The following SDK1 variants were observed in gnomAD, a reference collection of about 807,000 sequenced individuals.
SDK1 encodes protein sidekick-1.
In SDK1, 157 loss-of-function variants were observed where a neutral mutation model predicts 245.5. The ratio of observed to expected loss-of-function variants is 0.64; its 90% CI spans 0.56 to 0.73. SDK1 has a LOEUF of 0.73. Among genes scored for constraint, SDK1 ranks in the 30% least tolerant of loss-of-function variants. SDK1 has a pLI of 0.00. For synonymous variants in SDK1, 1,647 were observed against 1,278.5 expected (o/e 1.29, Z -6.15); for missense variants, 3,583 against 3,002.3 (o/e 1.19, Z -4.52).
At chr7:3,392,426 A>G (rs1781781793) in intron 1 of SDK1, among the ~76,000 whole-genome samples, 1 of 151,996 alleles carries the variant, frequency 6.6e-6, no homozygotes, top group African/African-American at 2.4e-5. Flanking sequence ...TTTCTTTTAT[A>G]TATACTTTTA....
chr7:3,987,393 C>T (rs771360148), intron 14 of SDK1, 71 bp downstream of exon 14: 29 of 1,521,946 alleles, frequency 1.9e-5, no homozygotes, highest in Non-Finnish European at 2.6e-5. Context: ...ATGTCCTTAA[C>T]CTTTACTTCT....
At chr7:3,901,174 C>G (rs368031343) in intron 5 of SDK1, among the ~76,000 whole-genome samples, 8 of 151,970 alleles carry the variant, frequency 5.3e-5, no homozygotes, top group African/African-American at 1.9e-4. Flanking sequence ...TTCAAGTTAA[C>G]TGTCTTTTTT....
At position 3,951,421 on chromosome 7, in the gene SDK1, C is replaced by T. The variant is rs575169097; in HGVS notation, c.960-309C>T. Among the ~76,000 whole-genome samples, 12 of 152,292 alleles carry T rather than the reference C, an allele frequency of 7.9e-5. 1 individual carries two copies. The highest frequency in any genetic ancestry group is 1.9e-4 in the East Asian group (1 of 5,170). Reference sequence around the variant, plus strand: ...GCTCGGATGATCCCGCCTTCCATGTCGTTGTGTCCCCTCACAGTATTTATT... The same window carrying T: ...GCTCGGATGATCCCGCCTTCCATGTTGTTGTGTCCCCTCACAGTATTTATT... On this transcript the variant is annotated intron_variant, in intron 6 of 44. Transcript: ENST00000404826.
At chr7:4,165,600 C>T (rs1018615946) in intron 32 of SDK1, among the ~76,000 whole-genome samples, 1 of 152,090 alleles carries the variant, frequency 6.6e-6, no homozygotes, top group Non-Finnish European at 1.5e-5. Flanking sequence ...GGTGATTCTT[C>T]TGCCTCAGCC....
chr7:4,255,300 A>G (rs1462054558), intron 44 of SDK1, among the ~76,000 whole-genome samples: 1 of 152,200 alleles, frequency 6.6e-6, no homozygotes, highest in Non-Finnish European at 1.5e-5. Context: ...TTCCTCAGTC[A>G]GAGCTGGAAG....
chr7:3,350,333 C>T (rs542120186), intron 1 of SDK1, among the ~76,000 whole-genome samples: 11 of 152,284 alleles, frequency 7.2e-5, no homozygotes, highest in Admixed American at 2.0e-4. Flanking sequence ...GGCATATTCC[C>T]ACAGTGGAAA....
intron 2 of SDK1, among the ~76,000 whole-genome samples, chr7:3,620,737 C>T (rs1781911681): frequency 6.6e-6 from 1 of 152,098 alleles, no homozygotes; most frequent in Admixed American, 6.5e-5. Flanking sequence ...GCAGAGCTGC[C>T]CCCATCAAAG....
At chr7:4,251,197 G>C (rs944356648) in intron 44 of SDK1, among the ~76,000 whole-genome samples, 1 of 152,194 alleles carries the variant, frequency 6.6e-6, no homozygotes, top group Non-Finnish European at 1.5e-5. Flanking sequence ...ATCAGTTGAT[G>C]AACATTTGAG....
intron 32 of SDK1, among the ~76,000 whole-genome samples, chr7:4,167,693 A>G (rs1312249335): frequency 1.3e-5 from 2 of 152,252 alleles, no homozygotes; most frequent in Admixed American, 6.5e-5. Context: ...TTAAACATGA[A>G]CAAGACCCGA....
intron 1 of SDK1, among the ~76,000 whole-genome samples, chr7:3,492,006 C>T (rs1196366392): frequency 1.3e-5 from 2 of 152,196 alleles, no homozygotes; most frequent in African/African-American, 4.8e-5. Flanking sequence ...ATTACGTTTT[C>T]TTCCAATTTA....
intron 5 of SDK1, among the ~76,000 whole-genome samples, chr7:3,883,868 A>C (rs1400584999): frequency 3.3e-5 from 5 of 152,028 alleles, no homozygotes; most frequent in Admixed American, 6.6e-5. Flanking sequence ...TTTCTCCTTC[A>C]CTCAAACGTC....
intron 38 of SDK1, among the ~76,000 whole-genome samples, chr7:4,214,030 G>A (rs1246318604): frequency 6.6e-6 from 1 of 152,158 alleles, no homozygotes; most frequent in Non-Finnish European, 1.5e-5. Context: ...TCCTCAGAAC[G>A]GCTCTACCTT....
chr7:3,391,991 A>T (rs1242962735), intron 1 of SDK1, among the ~76,000 whole-genome samples: 1 of 150,282 alleles, frequency 6.7e-6, no homozygotes, highest in Non-Finnish European at 1.5e-5. Context: ...ATATATATGC[A>T]TGCTACCTAA....
chr7:4,166,626 G>T (rs1781516894), intron 32 of SDK1, among the ~76,000 whole-genome samples: 1 of 152,192 alleles, frequency 6.6e-6, no homozygotes, highest in African/African-American at 2.4e-5. Context: ...GAGAATCCCT[G>T]TTCTACTCTC....
In SDK1 at chr7:3,582,142, CA is replaced by C. The variant is rs1227056138; in HGVS notation, c.299-36937del. Reference sequence around the variant, plus strand: ...AGGCCTGTCTCAGGTAGGTCTCCCTCAGGTAGGCCTGTCTCAGGTAGGTCTC... The same window carrying C: ...AGGCCTGTCTCAGGTAGGTCTCCCTCGGTAGGCCTGTCTCAGGTAGGTCTC... On this transcript the variant is annotated intron_variant, in intron 1 of 44. Transcript: ENST00000404826. Among the ~76,000 whole-genome samples the C allele has an allele frequency of 1.3e-5, 2 of 150,248 alleles. 1 individual carries two copies. The highest frequency in any genetic ancestry group is 1.3e-4 in the Admixed American group (2 of 15,144).
intron 1 of SDK1, among the ~76,000 whole-genome samples, chr7:3,332,808 T>C (rs1182667759): frequency 1.3e-5 from 2 of 152,206 alleles, no homozygotes; most frequent in African/African-American, 4.8e-5. Context: ...AAAATATTTT[T>C]GGTAAATCTG....
intron 1 of SDK1, among the ~76,000 whole-genome samples, chr7:3,550,554 C>G (rs1302405111): frequency 1.3e-5 from 2 of 152,174 alleles, no homozygotes; most frequent in Non-Finnish European, 2.9e-5. Context: ...TGGAATACTT[C>G]TTTGCCTATT....
intron 1 of SDK1, among the ~76,000 whole-genome samples, chr7:3,593,001 C>T (rs965722445): frequency 3.9e-5 from 6 of 152,146 alleles, no homozygotes; most frequent in African/African-American, 1.2e-4. Flanking sequence ...TCTGTGGAAA[C>T]GCATTGCTGA....
chr7:4,125,155 G>T (rs1784305377), intron 25 of SDK1, among the ~76,000 whole-genome samples: 1 of 148,842 alleles, frequency 6.7e-6, no homozygotes, highest in Non-Finnish European at 1.5e-5. Flanking sequence ...TCGATTTATG[G>T]ATGGATGGAT....
Sources: gnomAD v4.1 joint callset for allele counts (sites outside exome capture counted in the v4.1 genomes callset) on GRCh38, gnomAD v4.1.1 for gene constraint, MANE v1.5 for transcripts, NCBI Gene and HGNC (gene_info 2026-07-23, HGNC 2026-07-21) for gene names.